Variants in CDC14A observed in about 807,000 individuals in gnomAD.
CDC14A encodes the protein dual specificity protein phosphatase CDC14A.
CDC14A carries 53 observed loss-of-function variants against 74.4 expected under a neutral mutation model. The observed-to-expected ratio is 0.71, with a 90% CI of 0.57 to 0.89. CDC14A has a LOEUF of 0.89. Among genes scored for constraint, CDC14A ranks in the 40% least tolerant of loss-of-function variants. CDC14A has a pLI of 0.00. For synonymous variants in CDC14A, 247 were observed against 258.4 expected, an observed-to-expected ratio of 0.96 and a Z score of 0.43; for missense variants, 646 against 713.7, an observed-to-expected ratio of 0.91 and a Z score of 1.08.
intron 4 of CDC14A, among the ~76,000 whole-genome samples, chr1:100,416,359 T>C (rs1232727300): frequency 1.3e-5 from 2 of 152,216 alleles, no homozygotes; most frequent in Non-Finnish European, 2.9e-5. Flanking sequence ...TGTACTTTGT[T>C]GCAGAAAGAC....
intron 7 of CDC14A, among the ~76,000 whole-genome samples, chr1:100,453,911 G>A (rs1390742627): frequency 6.6e-6 from 1 of 152,212 alleles, no homozygotes; most frequent in Non-Finnish European, 1.5e-5. Context: ...CAAAGTGCTG[G>A]GATTACAGGC....
At chr1:100,479,792 T>G (rs1176092166) in intron 10 of CDC14A, among the ~76,000 whole-genome samples, 9 of 152,162 alleles carry the variant, frequency 5.9e-5, no homozygotes, top group African/African-American at 1.9e-4. Context: ...ATCTGATCCA[T>G]TTGTTGACTG....
intron 2 of CDC14A, among the ~76,000 whole-genome samples, chr1:100,366,573 C>G (rs1213955715): frequency 6.6e-6 from 1 of 152,170 alleles, no homozygotes; most frequent in Non-Finnish European, 1.5e-5. Context: ...TTCTATGTCC[C>G]TTCAAATTTG....
chr1:100,500,801 A>C (rs190042870), intron 15 of CDC14A, among the ~76,000 whole-genome samples: 1 of 120,942 alleles, frequency 8.3e-6, no homozygotes, highest in Non-Finnish European at 1.7e-5. Flanking sequence ...GTTTTCTAAC[A>C]TGAGAATGCA....
chr1:100,418,861 C>T (rs1301396244), intron 4 of CDC14A, among the ~76,000 whole-genome samples: 3 of 152,100 alleles, frequency 2.0e-5, no homozygotes, highest in South Asian at 2.1e-4. Flanking sequence ...GTTTCAGGCT[C>T]CCAAACCTGG....
At chr1:100,478,599 C>T (rs1413162780) in intron 10 of CDC14A, among the ~76,000 whole-genome samples, 1 of 152,162 alleles carries the variant, frequency 6.6e-6, no homozygotes, top group Admixed American at 6.6e-5. Flanking sequence ...ACATTTCCTT[C>T]TGAGACAGAG....
At chr1:100,423,162 G>A (rs1217529195) in intron 4 of CDC14A, among the ~76,000 whole-genome samples, 1 of 152,038 alleles carries the variant, frequency 6.6e-6, no homozygotes, top group Non-Finnish European at 1.5e-5. Context: ...TTCACATTCC[G>A]GCCACTGCCT....
chr1:100,452,878 A>G (rs573547778), intron 7 of CDC14A, among the ~76,000 whole-genome samples: 1 of 152,312 alleles, frequency 6.6e-6, no homozygotes, highest in South Asian at 2.1e-4. Context: ...TTTGAAGTGT[A>G]TGTGTGTGTT....
chr1:100,504,270 T>C (rs1386658986), intron 15 of CDC14A, among the ~76,000 whole-genome samples: 2 of 152,222 alleles, frequency 1.3e-5, no homozygotes, highest in Non-Finnish European at 2.9e-5. Flanking sequence ...TTCAAACATT[T>C]GCAGGGATAT....
chr1:100,374,255 G>A (rs1054149436), intron 2 of CDC14A, among the ~76,000 whole-genome samples: 4 of 152,022 alleles, frequency 2.6e-5, no homozygotes, highest in Admixed American at 2.0e-4. Context: ...GAATAGAGCC[G>A]CAATAAACGT....
chr1:100,410,662 T>C (rs975652557), intron 4 of CDC14A, among the ~76,000 whole-genome samples: 2 of 152,238 alleles, frequency 1.3e-5, no homozygotes, highest in Admixed American at 6.5e-5. Flanking sequence ...TGGAATATCC[T>C]GGCATTGGGC....
intron 11 of CDC14A, among the ~76,000 whole-genome samples, chr1:100,493,916 GT>G (rs1647382414): frequency 6.6e-6 from 1 of 152,210 alleles, no homozygotes; most frequent in African/African-American, 2.4e-5. Flanking sequence ...AAGAGTTCTA[GT>G]TTTAAATAGG....
chr1:100,515,760 A>C (rs1234264943), intron 15 of CDC14A, among the ~76,000 whole-genome samples: 2 of 152,238 alleles, frequency 1.3e-5, no homozygotes, highest in Non-Finnish European at 2.9e-5. Context: ...TACTGATGTC[A>C]GAATAATTTG....
intron 7 of CDC14A, among the ~76,000 whole-genome samples, chr1:100,453,201 A>C (rs1666318883): frequency 6.6e-6 from 1 of 152,042 alleles, no homozygotes; most frequent in Non-Finnish European, 1.5e-5. Context: ...CTGTGAATGA[A>C]TGTATCTTAG....
chr1:100,497,616 G>A (rs751324209), intron 13 of CDC14A, among the ~76,000 whole-genome samples: 17 of 152,194 alleles, frequency 1.1e-4, no homozygotes, highest in Non-Finnish European at 1.6e-4. Flanking sequence ...TAGTTTGCAG[G>A]GTGAAAAGAA....
Position 100,353,879 on chromosome 1 carries a change from T to C in CDC14A, c.140+27T>C, listed in dbSNP as rs748683318. 2.1e-5 allele frequency: 28 copies of C among 1,321,722 alleles called. No individual in the cohort carries two copies. In the South Asian group the frequency reaches 2.5e-4, roughly 12 times the overall value. The allele number at this position is 1,321,722 out of a possible 1,614,324, so 81.9% of individuals were successfully genotyped here. ...TAAGTTTATGTTTTGTTTTTTTTTC[T>C]CTTGGCCATTCAGCTTGTTCTTTGA... On this transcript the variant is annotated intron_variant, in intron 2 of 15. Coordinates refer to ENST00000336454, the MANE Select transcript of CDC14A (RefSeq NM_003672.4).
intron 4 of CDC14A, among the ~76,000 whole-genome samples, chr1:100,405,575 C>T (rs80175205): frequency 0.072 from 10,987 of 152,142 alleles, 817 homozygotes; most frequent in African/African-American, 0.18. Context: ...CTTCACTATG[C>T]GTTCATGTGT....
intron 15 of CDC14A, among the ~76,000 whole-genome samples, chr1:100,517,337 A>C (rs1462495469): frequency 6.6e-6 from 1 of 152,230 alleles, no homozygotes; most frequent in African/African-American, 2.4e-5. Flanking sequence ...TAATTTGAGA[A>C]ATAATTATTG....
intron 10 of CDC14A, among the ~76,000 whole-genome samples, chr1:100,483,612 A>G (rs748619577): frequency 6.6e-6 from 1 of 152,202 alleles, no homozygotes; most frequent in Non-Finnish European, 1.5e-5. Context: ...CAATAAAAAT[A>G]AAATCCTCAG....
Sources: gnomAD v4.1 joint callset for allele counts (sites outside exome capture counted in the v4.1 genomes callset) on GRCh38, gnomAD v4.1.1 for gene constraint, MANE v1.5 for transcripts, NCBI Gene and HGNC (gene_info 2026-07-23, HGNC 2026-07-21) for gene names.